Variants in ATG7 observed in about 807,000 individuals in gnomAD.
The protein encoded by ATG7 is ubiquitin-like modifier-activating enzyme ATG7.
ATG7 carries 70 observed loss-of-function variants against 82.4 expected under a neutral mutation model. That is an observed-to-expected ratio of 0.85 (90% CI 0.70 to 1.04). The LOEUF (loss-of-function observed/expected upper bound fraction) is 1.04. Ranked by LOEUF, ATG7 falls within the 50% of genes least tolerant of loss-of-function variation. ATG7 has a pLI of 0.00. For missense variants in ATG7, 792 were observed against 864.3 expected (o/e 0.92, Z 1.05); for synonymous variants, 287 against 313.0 (o/e 0.92, Z 0.88).
intron 20 of ATG7, among the ~76,000 whole-genome samples, chr3:11,534,495 C>G (rs62245949): frequency 0.24 from 37,152 of 152,190 alleles, 4,996 homozygotes; most frequent in African/African-American, 0.34. Flanking sequence ...GGAGAGGACA[C>G]CTCCCCAGAG....
chr3:11,301,306 A>G (rs1946752903), intron 5 of ATG7, among the ~76,000 whole-genome samples: 1 of 152,198 alleles, frequency 6.6e-6, no homozygotes, highest in African/African-American at 2.4e-5. Context: ...GAAAAAGGCT[A>G]CAGTGTTTTT....
intron 19 of ATG7, among the ~76,000 whole-genome samples, chr3:11,388,482 G>A (rs917195868): frequency 5.2e-4 from 78 of 150,340 alleles, no homozygotes; most frequent in African/African-American, 1.8e-3. Context: ...AGGCTGGAGT[G>A]CAGTGGCGCT....
At chr3:11,366,331 C>T (rs1368982151) in intron 18 of ATG7, among the ~76,000 whole-genome samples, 1 of 151,854 alleles carries the variant, frequency 6.6e-6, no homozygotes, top group Non-Finnish European at 1.5e-5. Flanking sequence ...TTACATCTGA[C>T]ACGGCCTTGA....
the ATG7 span, chr3:11,568,911 C>CCTAG: frequency 2.3e-6 from 3 of 1,277,390 alleles, no homozygotes; most frequent in African/African-American, 4.6e-5. This position sits in a 1 kb window ranked among gnomAD's most constrained non-coding sequence, Gnocchi z 5.9. Context: ...TCATCCCCAT[C>CCTAG]CTAGGCGGGC....
chr3:11,457,220 T>C (rs1334176661), intron 20 of ATG7, among the ~76,000 whole-genome samples: 1 of 152,126 alleles, frequency 6.6e-6, no homozygotes, highest in Non-Finnish European at 1.5e-5. Context: ...GGTTCTACCT[T>C]GGGATGAGGT....
chr3:11,538,013 G>C (rs2070466768), intron 20 of ATG7, among the ~76,000 whole-genome samples: 1 of 116,164 alleles, frequency 8.6e-6, no homozygotes, highest in Non-Finnish European at 2.2e-5. Flanking sequence ...GAAAGGTGGA[G>C]GGAAGAGGGC....
intron 20 of ATG7, among the ~76,000 whole-genome samples, chr3:11,545,143 G>C (rs1303250447): frequency 6.6e-6 from 1 of 152,176 alleles, no homozygotes; most frequent in African/African-American, 2.4e-5. Context: ...GTGGGCCAGA[G>C]AGAGGGTGCC....
chr3:11,519,513 A>G (rs911985869), intron 20 of ATG7, among the ~76,000 whole-genome samples: 5 of 129,110 alleles, frequency 3.9e-5, no homozygotes, highest in African/African-American at 1.1e-4. Context: ...ATTTGCTGTC[A>G]TCATGAAAGG....
intron 9 of ATG7, among the ~76,000 whole-genome samples, chr3:11,327,722 G>C (rs1951077379): frequency 6.6e-6 from 1 of 152,206 alleles, no homozygotes; most frequent in African/African-American, 2.4e-5. Context: ...ATTTTTGATA[G>C]CTCCCCAGGT....
At chr3:11,438,752 C>G (rs562844685) in intron 20 of ATG7, among the ~76,000 whole-genome samples, 62 of 152,048 alleles carry the variant, frequency 4.1e-4, no homozygotes, top group Middle Eastern at 3.4e-3. Context: ...TTTTCAAGAT[C>G]TAATATGTGA....
chr3:11,438,999 GAGACTGTAAAATT>G (rs2083615066), intron 20 of ATG7, among the ~76,000 whole-genome samples: 1 of 151,740 alleles, frequency 6.6e-6, no homozygotes, highest in African/African-American at 2.4e-5. Context: ...TCCATATTTT[GAGACTGTAAAATT>G]AAATTGATTT....
chr3:11,320,316 A>C (rs1575425917), intron 9 of ATG7, among the ~76,000 whole-genome samples: 6 of 146,634 alleles, frequency 4.1e-5, no homozygotes, highest in African/African-American at 2.5e-5. Flanking sequence ...ATGGAGTTTC[A>C]CTCTTTGTTG....
At chr3:11,573,365 AAGAAAGAAAGAAAGAAAG>A in the ATG7 span, among the ~76,000 whole-genome samples, 1 of 139,456 alleles carries the variant, frequency 7.2e-6, no homozygotes, top group Non-Finnish European at 1.6e-5. Flanking sequence ...GAAAGAAAGA[AAGAAAGAAAGAAAGAAAG>A]AAAGAAAGAA....
intron 19 of ATG7, among the ~76,000 whole-genome samples, chr3:11,400,156 G>A (rs577827950): frequency 4.6e-5 from 7 of 152,272 alleles, no homozygotes; most frequent in Middle Eastern, 3.4e-3. Context: ...CAGCTTGAAG[G>A]CTCTTAACAC....
chr3:11,503,208 A>G (rs2153065126), intron 20 of ATG7, among the ~76,000 whole-genome samples: 1 of 152,324 alleles, frequency 6.6e-6, no homozygotes, highest in South Asian at 2.1e-4. Flanking sequence ...TGAAGGCCAT[A>G]GTGGACTTCA....
chr3:11,475,909 C>CACACACACACACACACA (rs1479988312), intron 20 of ATG7, among the ~76,000 whole-genome samples: 2,556 of 104,426 alleles, frequency 0.024, 32 homozygotes, highest in East Asian at 0.037. Flanking sequence ...ACACACACAC[C>CACACACACACACACACA]CCCTCCCAGA....
At position 11,340,681 on chromosome 3, in the gene ATG7, A is replaced by C. The variant is rs1412702731; in HGVS notation, c.926A>C (p.Lys309Thr). Residue 309 changes from lysine (K) to threonine (T), a missense_variant, in exon 12 of 21, where the codon AAA (lysine) becomes ACA (threonine). By Grantham distance (78) the Lys-to-Thr change is moderately conservative. Transcript: ENST00000693202. ...GCAGTTGGATGGGAAAAGAACCAGA[A>C]AGGAGGCATGGGACCAAGGATGGTG... ...PKAVGWEKNQ[K>T]GGMGPRMVNL... is the part of the protein sequence containing the mutation. 2.5e-6 allele frequency: 4 copies of C among 1,613,760 alleles called. No homozygotes were observed. Among genetic ancestry groups the C allele is most frequent in the Non-Finnish European group, 3.4e-6 (4 of 1,179,884 alleles).
intron 20 of ATG7, among the ~76,000 whole-genome samples, chr3:11,553,285 TG>T (rs1156602401): frequency 1.1e-3 from 11 of 10,460 alleles, no homozygotes; most frequent in African/African-American, 3.2e-3. Flanking sequence ...CAGGTAGATG[TG>T]AGGTCACCTC....
intron 20 of ATG7, among the ~76,000 whole-genome samples, chr3:11,539,995 C>G (rs1383800317): frequency 6.6e-6 from 1 of 152,208 alleles, no homozygotes; most frequent in Non-Finnish European, 1.5e-5. Context: ...TGGGTTGTTT[C>G]TAGTTTGGAG....
Sources: allele counts gnomAD v4.1 joint callset (sites outside exome capture counted in the v4.1 genomes callset), GRCh38; gene constraint gnomAD v4.1.1; non-coding constraint Gnocchi (gnomAD v3.1); transcripts MANE v1.5; gene names NCBI Gene and HGNC (gene_info 2026-07-23, HGNC 2026-07-21).